The following CEP350 variants were observed in gnomAD, a reference collection of about 807,000 sequenced individuals.
The protein encoded by CEP350 is centrosomal protein 350, also known as centrosome-associated protein 350.
Under a neutral mutation model 331.8 loss-of-function variants are expected in CEP350, and 126 were observed. The observed-to-expected ratio is 0.38, with a 90% CI of 0.33 to 0.44. The LOEUF (loss-of-function observed/expected upper bound fraction) is 0.44. Among genes scored for constraint, CEP350 ranks in the 20% least tolerant of loss-of-function variants. CEP350 has a pLI of 1.00. For synonymous variants in CEP350, 1,200 were observed against 1,259.5 expected (o/e 0.95, Z 1.00); for missense variants, 3,406 against 3,634.6 (o/e 0.94, Z 1.62).
Position 180,092,768 on chromosome 1 carries a change from T to A in CEP350, c.6663T>A (p.Asp2221Glu). 1 of 1,589,462 alleles carries A rather than the reference T, an allele frequency of 6.3e-7. No individual in the cohort carries two copies. Residue 2221 changes from aspartate (D) to glutamate (E), a missense_variant, in exon 34 of 38, where the codon GAT (aspartate) becomes GAA (glutamate). Coordinates refer to ENST00000367607, the MANE Select transcript of CEP350 (RefSeq NM_014810.5). Reference protein sequence around the residue: ...SSRKIREESGDSLENVPALHL... With the variant: ...SSRKIREESGESLENVPALHL... ...GGAAAATCAGAGAAGAATCTGGAGATTCTCTAGAAAATGTACCTGCATTAC... is the reference window on the plus strand; with the variant it reads ...GGAAAATCAGAGAAGAATCTGGAGAATCTCTAGAAAATGTACCTGCATTAC...
At chr1:179,986,732 A>G (rs1037548438) in intron 2 of CEP350, among the ~76,000 whole-genome samples, 1 of 152,206 alleles carries the variant, frequency 6.6e-6, no homozygotes, top group African/African-American at 2.4e-5. Context: ...AGTTGGAGGA[A>G]GTGGAAATAC....
rs139888010 is a variant in CEP350 at position 180,041,721 on chromosome 1, G to A, written c.4281G>A (p.Leu1427=). 1.6e-3 allele frequency: 2,622 copies of A among 1,613,436 alleles called. No individual in the cohort carries two copies. The highest frequency in any genetic ancestry group is 2.0e-3 in the Non-Finnish European group (2,390 of 1,179,704). The change falls in exon 19 of 38, where the codon CTG becomes CTA. Residue 1427 remains leucine (L), a synonymous_variant. Coordinates refer to ENST00000367607, the MANE Select transcript of CEP350 (RefSeq NM_014810.5). ...CACAACGGGAAGTAACTGAAGTCCT[G>A]CAGGAAGCAACGTGTAAAATAGCAG... ...VQSQREVTEV[L]QEATCKIAAQ...
chr1:180,078,065 G>A (rs911343749), intron 28 of CEP350, among the ~76,000 whole-genome samples: 9 of 151,880 alleles, frequency 5.9e-5, no homozygotes, highest in African/African-American at 1.7e-4. Context: ...CCCGGGAAGC[G>A]AAGGTTACAG....
chr1:180,090,554 A>AG (rs1406724448), intron 32 of CEP350, among the ~76,000 whole-genome samples, 160 bp from the exon 33 acceptor site: 2 of 75,724 alleles, frequency 2.6e-5, no homozygotes, highest in African/African-American at 3.5e-5. Context: ...TCAAAAAAAA[A>AG]AAAAAAAAAA....
intron 31 of CEP350, 42 bp from the exon 32 acceptor site, chr1:180,087,536 A>T: frequency 6.8e-7 from 1 of 1,478,938 alleles, no homozygotes; most frequent in South Asian, 1.4e-5. Flanking sequence ...AATAAGTTTT[A>T]AAAATTCTGC....
At chr1:180,090,300 C>T (rs966932972) in intron 32 of CEP350, among the ~76,000 whole-genome samples, 1 of 151,472 alleles carries the variant, frequency 6.6e-6, no homozygotes, top group Non-Finnish European at 1.5e-5. Context: ...TAATCCCAGC[C>T]CTTTGGGAGG....
intron 21 of CEP350, 126 bp from the exon 22 acceptor site, chr1:180,048,410 A>G (rs1278832168): frequency 7.9e-6 from 5 of 631,734 alleles, no homozygotes; most frequent in Admixed American, 3.3e-5. Flanking sequence ...TCTGTTTTAT[A>G]TTACATCTTT....
In CEP350 at chr1:180,114,518, CATTTT is replaced by C. The variant is rs1661588150; in HGVS notation, c.*3359_*3363del. On this transcript the variant is annotated 3_prime_UTR_variant, in exon 38 of 38. Coordinates refer to ENST00000367607, the MANE Select transcript of CEP350 (RefSeq NM_014810.5). ...TAAACTGATGTAAAGGAGGTACTGT[CATTTT>C]AATTAACCTATGTTTAATAGCTTTT... 1 of 152,626 alleles carries C rather than the reference CATTTT, an allele frequency of 6.6e-6. No homozygotes were observed. Among genetic ancestry groups the C allele is most frequent in the African/African-American group, 2.4e-5 (1 of 41,446 alleles). The allele number at this position is 152,626 out of a possible 1,614,324, so 9.5% of individuals were successfully genotyped here. A position where few individuals can be genotyped will look rare whatever the true frequency, so the allele number is the denominator to read the frequency against.
At chr1:180,078,712 G>GA in intron 29 of CEP350, 38 bp downstream of exon 29, 32 of 1,509,928 alleles carry the variant, frequency 2.1e-5, no homozygotes, top group South Asian at 2.5e-5. Flanking sequence ...AGATTCTCTA[G>GA]AAAAAAAACT....
Position 180,024,504 on chromosome 1 carries a change from T to C in CEP350, c.3472T>C (p.Ser1158Pro). The C allele has an allele frequency of 6.2e-7, 1 of 1,613,516 alleles. No homozygotes were observed. Among genetic ancestry groups the C allele is most frequent in the Non-Finnish European group, 8.5e-7 (1 of 1,179,718 alleles). The change falls in exon 14 of 38, where the codon TCA becomes CCA. Residue 1158 changes from serine (S) to proline (P), a missense_variant. Physicochemically the swap from Ser to Pro is moderately conservative, Grantham distance 74. Transcript: ENST00000367607. The stretch of plus-strand genomic sequence containing the variant: ...TGTGGATGTTACCTCCCAGCATTCA[T>C]CAGGAGCCCAGTCTGCTGCATCGTC... Reference protein sequence around the residue: ...SSVDVTSQHSSGAQSAASSRS... With the variant: ...SSVDVTSQHSPGAQSAASSRS...
chr1:180,052,049 G>A (rs1209164926), intron 22 of CEP350, among the ~76,000 whole-genome samples: 1 of 152,152 alleles, frequency 6.6e-6, no homozygotes, highest in Non-Finnish European at 1.5e-5. Flanking sequence ...GACTGGATGG[G>A]TACAAAAGCA....
rs148765412 is a variant in CEP350 at position 179,988,612 on chromosome 1, G to T, written c.120+1326G>T. 9.1e-3 allele frequency among the ~76,000 whole-genome samples: 1,383 copies of T among 151,614 alleles called. 20 individuals carry two copies. Among genetic ancestry groups the T allele is most frequent in the African/African-American group, 0.03 (1,223 of 41,364 alleles). The stretch of plus-strand genomic sequence containing the variant: ...TCCCATTTGTGTTCTGGCCAATCTT[G>T]TCTAAAGTTTAGGAATCCAAATTTG... On this transcript the variant is annotated intron_variant, in intron 3 of 37. Transcript: ENST00000367607.
At chr1:180,017,807 A>G (rs958771972) in intron 11 of CEP350, among the ~76,000 whole-genome samples, 10 of 152,204 alleles carry the variant, frequency 6.6e-5, no homozygotes, top group Non-Finnish European at 1.5e-5. Flanking sequence ...GGAAAACTCC[A>G]GGTTTCATAT....
chr1:180,093,271 C>T lies in CEP350; in HGVS notation c.7166C>T (p.Ser2389Leu), dbSNP rs754349852. 4 of 1,599,378 alleles carry T rather than the reference C, an allele frequency of 2.5e-6. No homozygotes were observed. The highest frequency in any genetic ancestry group is 3.4e-6 in the Non-Finnish European group (4 of 1,172,084). ...FEVSSFKKEI[S>L]AELYKDDFEV... Reference sequence around the variant, plus strand: ...GTGTCTTCTTTCAAGAAAGAAATTTCAGCTGAATTGTACAAAGATGATTTT... The same window carrying T: ...GTGTCTTCTTTCAAGAAAGAAATTTTAGCTGAATTGTACAAAGATGATTTT... The change falls in exon 34 of 38, where the codon TCA becomes TTA. Residue 2389 changes from serine (S) to leucine (L), a missense_variant. By Grantham distance (145) the Ser-to-Leu change is moderately radical (BLOSUM62 -2). Coordinates refer to ENST00000367607, the MANE Select transcript of CEP350 (RefSeq NM_014810.5).
Position 180,043,131 on chromosome 1 carries a change from C to T in CEP350, c.4438C>T (p.His1480Tyr), listed in dbSNP as rs1322461946. 6.2e-7 allele frequency: 1 copy of T among 1,613,634 alleles called. No individual in the cohort carries two copies. Among genetic ancestry groups the T allele is most frequent in the African/African-American group, 1.3e-5 (1 of 74,884 alleles). The change falls in exon 20 of 38, where the codon CAC becomes TAC. Residue 1480 changes from histidine to tyrosine, a missense_variant. By Grantham distance (83) the His-to-Tyr change is moderately conservative. Transcript: ENST00000367607. ...SGAPLAILYD[H>Y]QRQHLPDFVK... ...AGCTCCCCTTGCAATACTGTATGAC[C>T]ACCAACGGCAGCACCTTCCAGACTT...
At chr1:180,108,930 T>C (rs573259383) in intron 37 of CEP350, among the ~76,000 whole-genome samples, 33 of 152,258 alleles carry the variant, frequency 2.2e-4, no homozygotes, top group African/African-American at 7.9e-4. Context: ...AAACAACCTT[T>C]CTAAAAGAGA....
rs201263748 is a variant in CEP350, at chr1:180,075,040, G to A, written c.5586G>A (p.Glu1862=). The A allele has an allele frequency of 1.2e-5, 20 of 1,611,348 alleles. No individual in the cohort carries two copies. The African/African-American group carries it at 2.1e-4, about 17-fold the overall frequency. The change falls in exon 28 of 38, where the codon GAG becomes GAA. Residue 1862 remains glutamate, a synonymous_variant. Transcript: ENST00000367607. ...RMDEKFLTKR[E]QKLMQRRQHA... is the part of the protein sequence containing the mutation. Reference sequence around the variant, plus strand: ...ACCATAGGTTTCTGACAAAGCGGGAGCAAAAATTAATGCAACGGCGACAAC... The same window carrying A: ...ACCATAGGTTTCTGACAAAGCGGGAACAAAAATTAATGCAACGGCGACAAC...
chr1:180,037,343 A>G (rs1430222104), intron 17 of CEP350, among the ~76,000 whole-genome samples: 1 of 151,874 alleles, frequency 6.6e-6, no homozygotes, highest in Non-Finnish European at 1.5e-5. Flanking sequence ...AGTTGACAGT[A>G]TAAAAATCAT....
intron 31 of CEP350, chr1:180,085,743 G>C (rs539741205): frequency 1.3e-5 from 2 of 152,266 alleles, no homozygotes; most frequent in African/African-American, 4.8e-5. Flanking sequence ...TATTAGAAGA[G>C]CTCTTTGTTG....
Sources: allele counts gnomAD v4.1 joint callset (sites outside exome capture counted in the v4.1 genomes callset), GRCh38; gene constraint gnomAD v4.1.1; transcripts MANE v1.5; gene names NCBI Gene and HGNC (gene_info 2026-07-23, HGNC 2026-07-21).